Variants in SLC25A17 observed in about 807,000 individuals in gnomAD.
SLC25A17 encodes the protein peroxisomal membrane protein PMP34.
SLC25A17 carries 26 observed loss-of-function variants against 38.5 expected under a neutral mutation model. That is an observed-to-expected ratio of 0.68 (90% CI 0.50 to 0.94). The LOEUF (loss-of-function observed/expected upper bound fraction) is 0.94. Among genes scored for constraint, SLC25A17 ranks in the 40% least tolerant of loss-of-function variants. The probability of loss-of-function intolerance (pLI) is 0.00; values close to 1 mark genes in which losing one functional copy is unlikely to be tolerated. For missense variants in SLC25A17, 333 were observed against 372.7 expected (o/e 0.89, Z 0.88); for synonymous variants, 139 against 136.2 (o/e 1.02, Z -0.14).
In SLC25A17 at chr22:40,769,804, A is replaced by C. The variant is rs527486344; in HGVS notation, c.*1030T>G. ...AATGTTAAAATACGGAACAGGATTCAGAAACTCTGGGTTGCGTGCCCAGCA... is the reference window on the plus strand; with the variant it reads ...AATGTTAAAATACGGAACAGGATTCCGAAACTCTGGGTTGCGTGCCCAGCA... On this transcript the variant is annotated 3_prime_UTR_variant, in exon 9 of 9. Coordinates refer to ENST00000435456, the MANE Select transcript of SLC25A17 (RefSeq NM_006358.4). 1 of 152,354 alleles carries C rather than the reference A, an allele frequency of 6.6e-6. No homozygotes were observed. The highest frequency in any genetic ancestry group is 1.9e-4 in the East Asian group (1 of 5,190). The allele number at this position is 152,354 out of a possible 1,614,324, so 9.4% of individuals were successfully genotyped here. A position where few individuals can be genotyped will look rare whatever the true frequency, so the allele number is the denominator to read the frequency against.
chr22:40,813,703 G>A (rs1331580008), intron 1 of SLC25A17, among the ~76,000 whole-genome samples: 1 of 152,156 alleles, frequency 6.6e-6, no homozygotes, highest in Admixed American at 6.5e-5. Flanking sequence ...CAGCCTGGGC[G>A]ACAGAGCGAG....
chr22:40,800,877 GC>G (rs2057474657), intron 1 of SLC25A17, among the ~76,000 whole-genome samples: 1 of 151,566 alleles, frequency 6.6e-6, no homozygotes, highest in Admixed American at 6.6e-5. Flanking sequence ...GCCAAGGTGG[GC>G]AGATCATGAG....
intron 8 of SLC25A17, among the ~76,000 whole-genome samples, chr22:40,773,679 G>A (rs1258871239): frequency 6.6e-6 from 1 of 152,196 alleles, no homozygotes; most frequent in Non-Finnish European, 1.5e-5. Flanking sequence ...AAGTATAGAA[G>A]GGTTCTCTTT....
At chr22:40,782,830 T>C (rs1308643917) in intron 4 of SLC25A17, among the ~76,000 whole-genome samples, 4 of 152,198 alleles carry the variant, frequency 2.6e-5, no homozygotes, top group Non-Finnish European at 5.9e-5. Flanking sequence ...TCCAATTTCA[T>C]AAAAATAAGT....
chr22:40,784,028 A>G (rs1215363543), intron 4 of SLC25A17, among the ~76,000 whole-genome samples: 3 of 152,094 alleles, frequency 2.0e-5, no homozygotes, highest in African/African-American at 7.2e-5. Context: ...TCTAACCCTC[A>G]GTACTCTCTA....
At chr22:40,795,353 C>T (rs892325556) in intron 2 of SLC25A17, among the ~76,000 whole-genome samples, 4 of 151,144 alleles carry the variant, frequency 2.6e-5, no homozygotes, top group Non-Finnish European at 5.9e-5. Context: ...AGTGCAGCGG[C>T]GTGATCTCGG....
intron 2 of SLC25A17, among the ~76,000 whole-genome samples, 181 bp downstream of exon 2, chr22:40,798,842 C>T (rs562579845): frequency 6.6e-6 from 1 of 150,690 alleles, no homozygotes; most frequent in Admixed American, 6.7e-5. Flanking sequence ...ACTTGGGAGG[C>T]GGAGGCAGGA....
At chr22:40,814,790 T>TATATATATATATATAG (rs56313372) in intron 1 of SLC25A17, among the ~76,000 whole-genome samples, 1 of 118,966 alleles carries the variant, frequency 8.4e-6, no homozygotes, top group African/African-American at 3.4e-5. Context: ...TATATATATA[T>TATATATATATATATAG]TGTTGTTGTT....
intron 4 of SLC25A17, among the ~76,000 whole-genome samples, chr22:40,781,249 CTT>C (rs374161295): frequency 4.9e-5 from 7 of 143,586 alleles, no homozygotes; most frequent in African/African-American, 5.1e-5. Flanking sequence ...TAAAAGGATT[CTT>C]TTTTTTTTTT....
intron 1 of SLC25A17, among the ~76,000 whole-genome samples, chr22:40,805,725 G>C (rs1300552767): frequency 6.6e-6 from 1 of 152,000 alleles, no homozygotes; most frequent in Non-Finnish European, 1.5e-5. Flanking sequence ...TGCAGGCCTA[G>C]AGTCTCCAAA....
chr22:40,772,632 C>CT (rs925177899), intron 8 of SLC25A17, among the ~76,000 whole-genome samples: 229 of 144,200 alleles, frequency 1.6e-3, no homozygotes, highest in African/African-American at 1.5e-3. Context: ...CTTGAATGTT[C>CT]TTTTTTTTTT....
At chr22:40,781,887 T>A (rs987066767) in intron 4 of SLC25A17, among the ~76,000 whole-genome samples, 28 of 151,980 alleles carry the variant, frequency 1.8e-4, no homozygotes, top group African/African-American at 6.5e-4. Flanking sequence ...GCCCAAAGGA[T>A]AAAGAAAATT....
chr22:40,775,483 G>A (rs1293937537), intron 7 of SLC25A17, among the ~76,000 whole-genome samples: 1 of 120,434 alleles, frequency 8.3e-6, no homozygotes, highest in African/African-American at 3.2e-5. Flanking sequence ...TTGAGACGGA[G>A]TCTCGCTCTG....
In SLC25A17 at chr22:40,794,549, G is replaced by C; in HGVS notation, c.147C>G (p.His49Gln). Reference protein sequence around the residue: ...VDEKRKSKTTHMVLLEIIKEE... With the variant: ...VDEKRKSKTTQMVLLEIIKEE... ...CTTTAATGATCTCCAGGAGCACCAT[G>C]TGTGTAGTTTTGGATTTTCTTTTCT... The change falls in exon 3 of 9, where the codon CAC (histidine) becomes CAG (glutamine). Residue 49 changes from histidine (H) to glutamine (Q), a missense_variant. His to Gln is a conservative substitution (Grantham distance 24, BLOSUM62 0). Coordinates refer to ENST00000435456, the MANE Select transcript of SLC25A17 (RefSeq NM_006358.4). 1 of 1,611,760 alleles carries C rather than the reference G, an allele frequency of 6.2e-7. No individual in the cohort carries two copies. The highest frequency in any genetic ancestry group is 8.5e-7 in the Non-Finnish European group (1 of 1,178,068).
At chr22:40,784,784 C>CAAAAA (rs71200616) in intron 4 of SLC25A17, among the ~76,000 whole-genome samples, 4,035 of 94,468 alleles carry the variant, frequency 0.043, no homozygotes, top group African/African-American at 0.054. Context: ...TCAACAACAA[C>CAAAAA]AAAAAAAAAA....
At chr22:40,813,569 A>T (rs918308282) in intron 1 of SLC25A17, among the ~76,000 whole-genome samples, 7 of 150,588 alleles carry the variant, frequency 4.6e-5, no homozygotes, top group Admixed American at 1.3e-4. Context: ...TAAAAATACA[A>T]AAAGATTAGC....
In SLC25A17 at chr22:40,789,797, C is replaced by T. The variant is rs1194718159; in HGVS notation, c.334+2728G>A. ...TGCTGGGATTACAGGCGTGAGCCACCGCGCCTGGTCTAAAATTTATTTTTT... is the reference window on the plus strand; with the variant it reads ...TGCTGGGATTACAGGCGTGAGCCACTGCGCCTGGTCTAAAATTTATTTTTT... On this transcript the variant is annotated intron_variant, in intron 4 of 8. Transcript: ENST00000435456. The surrounding 1 kb of genome is among the most constrained non-coding windows in gnomAD (Gnocchi z 4.5). 6.6e-6 allele frequency among the ~76,000 whole-genome samples: 1 copy of T among 151,596 alleles called. No homozygotes were observed. The highest frequency in any genetic ancestry group is 1.5e-5 in the Non-Finnish European group (1 of 67,920).
chr22:40,772,541 G>A (rs998239978), intron 8 of SLC25A17, among the ~76,000 whole-genome samples: 4 of 152,060 alleles, frequency 2.6e-5, no homozygotes, highest in African/African-American at 4.8e-5. Flanking sequence ...GAGCTAAAGC[G>A]ATCTGCCTGC....
intron 2 of SLC25A17, among the ~76,000 whole-genome samples, chr22:40,795,297 CTT>C (rs1010479711): frequency 3.5e-5 from 5 of 143,720 alleles, no homozygotes; most frequent in Admixed American, 7.0e-5. Context: ...ACATTTCTTC[CTT>C]TTTTTTTTTT....
Sources: allele counts gnomAD v4.1 joint callset (sites outside exome capture counted in the v4.1 genomes callset), GRCh38; gene constraint gnomAD v4.1.1; non-coding constraint Gnocchi (gnomAD v3.1); transcripts MANE v1.5; gene names NCBI Gene and HGNC (gene_info 2026-07-23, HGNC 2026-07-21).